PAX2: variants seen among roughly 807,000 people sequenced by gnomAD.
The protein encoded by PAX2 is paired box protein Pax-2.
PAX2 carries 9 observed loss-of-function variants against 41.7 expected under a neutral mutation model. The observed-to-expected ratio is 0.22, with a 90% CI of 0.13 to 0.38. The LOEUF is 0.38. Ranked by LOEUF, PAX2 falls within the 10% of genes least tolerant of loss-of-function variation. PAX2 has a pLI of 1.00. For synonymous variants in PAX2, 221 were observed against 212.7 expected (o/e 1.04, Z -0.34); for missense variants, 418 against 531.6 (o/e 0.79, Z 2.10).
chr10:100,828,728 T>C lies in PAX2; in HGVS notation c.*1109T>C, dbSNP rs1487338202. On this transcript the variant is annotated 3_prime_UTR_variant, in exon 10 of 10. Transcript: ENST00000355243. This position sits in a 1 kb window ranked among gnomAD's most constrained non-coding sequence, Gnocchi z 6.5. ...GGAAGTGGGGGGCTGCCCACTCCACTCCTCCCATCCCCTCCCAGCCTCCTC... is the reference window on the plus strand; with the variant it reads ...GGAAGTGGGGGGCTGCCCACTCCACCCCTCCCATCCCCTCCCAGCCTCCTC... 1 of 233,218 alleles carries C rather than the reference T, an allele frequency of 4.3e-6. No homozygotes were observed. Among genetic ancestry groups the C allele is most frequent in the African/African-American group, 2.2e-5 (1 of 45,242 alleles). 14.4% of individuals were successfully genotyped at this position (233,218 alleles called of 1,614,324 possible). A position where few individuals can be genotyped will look rare whatever the true frequency, so the allele number is the denominator to read the frequency against.
chr10:100,755,631 G>T (rs1312869887), intron 3 of PAX2, among the ~76,000 whole-genome samples: 1 of 152,184 alleles, frequency 6.6e-6, no homozygotes, highest in African/African-American at 2.4e-5. Flanking sequence ...TGCGTGGAGG[G>T]TGGTCTCCAG....
chr10:100,755,141 A>G (rs1845583654), intron 3 of PAX2, among the ~76,000 whole-genome samples: 1 of 152,204 alleles, frequency 6.6e-6, no homozygotes, highest in Non-Finnish European at 1.5e-5. Context: ...AACAGGCATG[A>G]TGGTTGAAAT....
chr10:100,815,984 G>A (rs1007945961), intron 7 of PAX2, among the ~76,000 whole-genome samples: 2 of 152,324 alleles, frequency 1.3e-5, no homozygotes, highest in South Asian at 4.1e-4. Context: ...CGTAGTTCTG[G>A]TGTTTTCTAC....
chr10:100,822,717 AG>A (rs1436795510), intron 7 of PAX2, among the ~76,000 whole-genome samples: 3 of 152,236 alleles, frequency 2.0e-5, no homozygotes, highest in Non-Finnish European at 4.4e-5. Flanking sequence ...TCAGTGGGGA[AG>A]GAGAGGAAAA....
rs965980510 is a variant in PAX2 at position 100,829,024 on chromosome 10, AG to A, written c.*1412del. Reference sequence around the variant, plus strand: ...GAGAGTCGCCGCTCGCTGGGGGGGAAGGGGGGGACACAGCTACACGCCCATT... The same window carrying A: ...GAGAGTCGCCGCTCGCTGGGGGGGAAGGGGGGACACAGCTACACGCCCATT... On this transcript the variant is annotated 3_prime_UTR_variant, in exon 10 of 10. Transcript: ENST00000355243. 70 of 195,072 alleles carry A rather than the reference AG, an allele frequency of 3.6e-4. No homozygotes were observed. Among genetic ancestry groups the A allele is most frequent in the Non-Finnish European group, 3.8e-4 (36 of 95,298 alleles). The allele number at this position is 195,072 out of a possible 1,614,324, so 12.1% of individuals were successfully genotyped here.
At chr10:100,735,831 C>T (rs1221517682) in intron 1 of PAX2, 2 of 813,906 alleles carry the variant, frequency 2.5e-6, no homozygotes, top group East Asian at 1.4e-4. Context: ...TCTTTCATCC[C>T]TGTGCTCAGT....
chr10:100,747,814 C>T, intron 1 of PAX2: 1 of 985,026 alleles, frequency 1.0e-6, no homozygotes, highest in South Asian at 4.7e-5. Context: ...AGGAGTGGAA[C>T]CGGGTCCACA....
chr10:100,785,346 G>T (rs978640906), intron 5 of PAX2, among the ~76,000 whole-genome samples: 2 of 152,240 alleles, frequency 1.3e-5, no homozygotes, highest in Non-Finnish European at 2.9e-5. Flanking sequence ...GAAGTCATAT[G>T]GTGAGAATCT....
chr10:100,760,270 A>G (rs146037739), intron 3 of PAX2, among the ~76,000 whole-genome samples: 871 of 152,324 alleles, frequency 5.7e-3, no homozygotes, highest in Middle Eastern at 0.014. Flanking sequence ...TTTGCTATTC[A>G]GAAGGCTTCC....
At chr10:100,825,056 C>A in intron 8 of PAX2, 3 of 1,192,094 alleles carry the variant, frequency 2.5e-6, no homozygotes, top group Non-Finnish European at 3.8e-6. Context: ...CTCAGCTCCA[C>A]CCTCAGTGCC....
chr10:100,762,087 G>C (rs570860538), intron 3 of PAX2, among the ~76,000 whole-genome samples: 100 of 152,186 alleles, frequency 6.6e-4, no homozygotes, highest in Non-Finnish European at 1.1e-3. Context: ...TGCCAGGCTC[G>C]GCATGGCGGC....
chr10:100,826,868 G>GC lies in PAX2; in HGVS notation c.1022-138dup, dbSNP rs1848586495. On this transcript the variant is annotated intron_variant, in intron 8 of 9. Coordinates refer to ENST00000355243, the MANE Select transcript of PAX2 (RefSeq NM_000278.5). This position sits in a 1 kb window ranked among gnomAD's most constrained non-coding sequence, Gnocchi z 5.5. The stretch of plus-strand genomic sequence containing the variant: ...TGATCGCCCCACCTCCGCCCGGCCC[G>GC]CCCGCCACGGCCATTACCCTGCCCG... 7.6e-6 allele frequency: 5 copies of GC among 658,290 alleles called. No homozygotes were observed. The Admixed American group carries it at 1.2e-4, about 15-fold the overall frequency. The allele number at this position is 658,290 out of a possible 1,614,324, so 40.8% of individuals were successfully genotyped here.
In PAX2 at chr10:100,829,372, C is replaced by T. The variant is rs1347283837; in HGVS notation, c.*1753C>T. 4.7e-6 allele frequency: 1 copy of T among 213,562 alleles called. No individual in the cohort carries two copies. Among genetic ancestry groups the T allele is most frequent in the African/African-American group, 2.3e-5 (1 of 44,166 alleles). 13.2% of individuals were successfully genotyped at this position (213,562 alleles called of 1,614,324 possible). ...GCCGCCCTGTCTCCGCAGGCTAGAT[C>T]CGAGGTGGCAGCTCCAGCCCCCGGG... On this transcript the variant is annotated 3_prime_UTR_variant, in exon 10 of 10. Transcript: ENST00000355243.
At chr10:100,773,321 C>T (rs1342415111) in intron 3 of PAX2, among the ~76,000 whole-genome samples, 1 of 152,136 alleles carries the variant, frequency 6.6e-6, no homozygotes, top group East Asian at 1.9e-4. Context: ...AGCATTGCTC[C>T]TAGAAAGCCT....
intron 5 of PAX2, among the ~76,000 whole-genome samples, chr10:100,782,136 A>G (rs1276167034): frequency 4.6e-5 from 7 of 152,192 alleles, no homozygotes. Context: ...CAGACCCTGA[A>G]CAACAGAGAC....
chr10:100,763,199 A>G (rs1423104851), intron 3 of PAX2, among the ~76,000 whole-genome samples: 1 of 152,174 alleles, frequency 6.6e-6, no homozygotes, highest in Non-Finnish European at 1.5e-5. Context: ...GAAATTCATG[A>G]GCACTTGCTG....
rs115718344 is a variant in PAX2, at chr10:100,826,027, G to C, written c.1022-982G>C. 8.1e-3 allele frequency among the ~76,000 whole-genome samples: 1,239 copies of C among 152,066 alleles called. 20 individuals are homozygous for C. The highest frequency in any genetic ancestry group is 0.025 in the African/African-American group (1,039 of 41,458). On this transcript the variant is annotated intron_variant, in intron 8 of 9. Coordinates refer to ENST00000355243, the MANE Select transcript of PAX2 (RefSeq NM_000278.5). This position sits in a 1 kb window ranked among gnomAD's most constrained non-coding sequence, Gnocchi z 5.5. ...GGAGCCGCAGAGAGCTCGTGGTGTC[G>C]AGGGGGGAGTCGTTAAACAGAATCT...
chr10:100,797,674 G>A (rs1461995029), intron 5 of PAX2, among the ~76,000 whole-genome samples: 1 of 152,226 alleles, frequency 6.6e-6, no homozygotes, highest in Non-Finnish European at 1.5e-5. Context: ...TTCTACAATA[G>A]AGGTTTGGAT....
chr10:100,743,678 G>T (rs559408097), upstream of PAX2, among the ~76,000 whole-genome samples: 1 of 152,078 alleles, frequency 6.6e-6, no homozygotes, highest in Non-Finnish European at 1.5e-5. Flanking sequence ...GTTACTTTTC[G>T]GCTGCCCGAA....
Sources: gnomAD v4.1 joint callset for allele counts (sites outside exome capture counted in the v4.1 genomes callset) on GRCh38, gnomAD v4.1.1 for gene constraint, Gnocchi (gnomAD v3.1) non-coding constraint, MANE v1.5 for transcripts, NCBI Gene and HGNC (gene_info 2026-07-23, HGNC 2026-07-21) for gene names.